Variants in KLF12 observed in about 807,000 individuals in gnomAD.
KLF12 encodes the protein KLF transcription factor 12, also known as Krueppel-like factor 12.
Under a neutral mutation model 37.8 loss-of-function variants are expected in KLF12, and 9 were observed. That is an observed-to-expected ratio of 0.24 (90% CI 0.14 to 0.42). The LOEUF is 0.42. Ranked by LOEUF, KLF12 falls within the 10% of genes least tolerant of loss-of-function variation. The pLI, the probability that KLF12 is intolerant of heterozygous loss-of-function variation, is 1.00. For missense variants in KLF12, 411 were observed against 516.0 expected (o/e 0.80, Z 1.97); for synonymous variants, 208 against 202.1 (o/e 1.03, Z -0.25).
At chr13:73,938,926 GA>G (rs1436536758) in intron 3 of KLF12, among the ~76,000 whole-genome samples, 2 of 152,226 alleles carry the variant, frequency 1.3e-5, no homozygotes, top group African/African-American at 4.8e-5. Flanking sequence ...CTATGGCAAA[GA>G]GGCATCAGGC....
intron 4 of KLF12, chr13:73,844,688 T>A (rs1884923070): frequency 6.6e-6 from 1 of 152,162 alleles, no homozygotes; most frequent in Non-Finnish European, 1.5e-5. Flanking sequence ...TCACAATCAA[T>A]CAAATGTATT....
intron 5 of KLF12, among the ~76,000 whole-genome samples, chr13:73,778,431 G>A (rs957552777): frequency 3.3e-5 from 5 of 152,054 alleles, no homozygotes; most frequent in Non-Finnish European, 7.4e-5. Context: ...GTGCAATCAC[G>A]GCTCTGCAGC....
At position 73,686,132 on chromosome 13, in the gene KLF12, T is replaced by C. The variant is rs1427292090; in HGVS notation, c.*9358A>G. The stretch of plus-strand genomic sequence containing the variant: ...GCTTTATTTAACCTTCATGCCTTCA[T>C]TCAGATAATTATACAAATGCATACA... On this transcript the variant is annotated 3_prime_UTR_variant, in exon 8 of 8. Transcript: ENST00000377669. 1.3e-5 allele frequency: 2 copies of C among 152,624 alleles called. No individual in the cohort carries two copies. Among genetic ancestry groups the C allele is most frequent in the African/African-American group, 2.4e-5 (1 of 41,454 alleles). 9.5% of individuals were successfully genotyped at this position (152,624 alleles called of 1,614,324 possible).
chr13:74,290,763 G>A, the KLF12 span, among the ~76,000 whole-genome samples: 2 of 152,168 alleles, frequency 1.3e-5, no homozygotes, highest in African/African-American at 4.8e-5. Flanking sequence ...TGTTGGAGAA[G>A]GCAGAGTATT....
At chr13:73,933,796 T>C (rs1889794867) in intron 3 of KLF12, among the ~76,000 whole-genome samples, 1 of 152,138 alleles carries the variant, frequency 6.6e-6, no homozygotes, top group African/African-American at 2.4e-5. Context: ...CAGTTATAAA[T>C]CCTAAGCCCT....
At chr13:73,723,933 C>CTATA (rs1876467637) in intron 6 of KLF12, among the ~76,000 whole-genome samples, 1 of 152,138 alleles carries the variant, frequency 6.6e-6, no homozygotes, top group Non-Finnish European at 1.5e-5. Flanking sequence ...GAACACTACA[C>CTATA]TGTTGGTGGG....
At chr13:74,150,745 C>T in the KLF12 span, among the ~76,000 whole-genome samples, 2 of 152,098 alleles carry the variant, frequency 1.3e-5, no homozygotes, top group African/African-American at 4.8e-5. Flanking sequence ...ACAGCATGAC[C>T]ATCAACCTGA....
the KLF12 span, among the ~76,000 whole-genome samples, chr13:74,206,313 A>G: frequency 1.3e-5 from 2 of 152,134 alleles, no homozygotes; most frequent in Non-Finnish European, 2.9e-5. Context: ...GCTGTGTACT[A>G]CTCTGGTTGA....
intron 1 of KLF12, among the ~76,000 whole-genome samples, chr13:74,083,173 A>C (rs1321877083): frequency 6.6e-6 from 1 of 152,176 alleles, no homozygotes; most frequent in African/African-American, 2.4e-5. Flanking sequence ...CTGTCTTATA[A>C]GGAGTAATGG....
chr13:74,069,573 T>C (rs1252161943), intron 1 of KLF12, among the ~76,000 whole-genome samples: 2 of 152,140 alleles, frequency 1.3e-5, no homozygotes, highest in African/African-American at 2.4e-5. Context: ...ACAATGTTAT[T>C]TGAGTTTTAG....
At chr13:74,191,775 G>A in the KLF12 span, among the ~76,000 whole-genome samples, 1 of 151,956 alleles carries the variant, frequency 6.6e-6, no homozygotes, top group Non-Finnish European at 1.5e-5. Context: ...CAATTCAGGG[G>A]GAGGTATTTG....
intron 1 of KLF12, among the ~76,000 whole-genome samples, chr13:74,082,542 C>T (rs1329461631): frequency 2.0e-5 from 3 of 152,152 alleles, no homozygotes; most frequent in African/African-American, 4.8e-5. Flanking sequence ...CTCTGACACC[C>T]TCACCTCCAC....
chr13:74,069,739 G>A (rs1369334469), intron 1 of KLF12, among the ~76,000 whole-genome samples: 1 of 152,092 alleles, frequency 6.6e-6, no homozygotes, highest in African/African-American at 2.4e-5. Flanking sequence ...AAAAATAGAA[G>A]AAGAATATTA....
At chr13:73,818,797 G>A (rs1281943897) in intron 4 of KLF12, among the ~76,000 whole-genome samples, 1 of 152,230 alleles carries the variant, frequency 6.6e-6, no homozygotes, top group Non-Finnish European at 1.5e-5. Context: ...GTGTGAAGTG[G>A]CTGCCCAGGC....
intron 6 of KLF12, among the ~76,000 whole-genome samples, chr13:73,741,534 C>A: frequency 6.6e-6 from 1 of 152,172 alleles, no homozygotes; most frequent in African/African-American, 2.4e-5. Context: ...AGGCCAATAA[C>A]ACATTCTCTC....
intron 1 of KLF12, among the ~76,000 whole-genome samples, chr13:74,008,387 T>A (rs1460941284): frequency 6.6e-6 from 1 of 152,176 alleles, no homozygotes; most frequent in East Asian, 1.9e-4. Context: ...TGGTATTCCA[T>A]CCATCTCATA....
intron 3 of KLF12, among the ~76,000 whole-genome samples, chr13:73,876,894 A>G (rs1439345556): frequency 6.6e-6 from 1 of 152,004 alleles, no homozygotes; most frequent in Non-Finnish European, 1.5e-5. Context: ...ACACGCCTGT[A>G]ATCCCAGCTA....
intron 3 of KLF12, among the ~76,000 whole-genome samples, chr13:73,910,242 T>C (rs754793871): frequency 1.3e-5 from 2 of 152,316 alleles, no homozygotes; most frequent in East Asian, 1.9e-4. Flanking sequence ...AGTTTGGAAA[T>C]TTTAAAATTC....
At chr13:74,291,524 T>C in the KLF12 span, among the ~76,000 whole-genome samples, 14 of 152,178 alleles carry the variant, frequency 9.2e-5, no homozygotes, top group Admixed American at 9.2e-4. Flanking sequence ...TCATTGTCAG[T>C]TGGCGAAGCA....
Sources: allele counts gnomAD v4.1 joint callset (sites outside exome capture counted in the v4.1 genomes callset), GRCh38; gene constraint gnomAD v4.1.1; transcripts MANE v1.5; gene names NCBI Gene and HGNC (gene_info 2026-07-23, HGNC 2026-07-21).